The following APOF variants were observed in gnomAD, a reference collection of about 807,000 sequenced individuals.
APOF encodes the protein apolipoprotein F, also known as lipid transfer inhibitor protein.
A neutral mutation model predicts 2.4 loss-of-function variants in APOF; 2 were observed. The observed-to-expected ratio is 0.83, with a 90% CI of 0.34 to 2.61. The LOEUF is 2.61. Among genes scored for constraint, APOF ranks in the 30% most tolerant of loss-of-function variants. APOF has a pLI of 0.11. For synonymous variants in APOF, 149 were observed against 155.6 expected (o/e 0.96, Z 0.32); for missense variants, 370 against 388.7 (o/e 0.95, Z 0.40).
At position 56,361,186 on chromosome 12, in the gene APOF, G is replaced by A. The variant is rs1880303622; in HGVS notation, c.*39C>T. 6.3e-7 allele frequency: 1 copy of A among 1,588,302 alleles called. No individual in the cohort carries two copies. Among genetic ancestry groups the A allele is most frequent in the Admixed American group, 1.7e-5 (1 of 57,402 alleles). ...TTGAAGACATGTATATAGCTTGTCA[G>A]GGTAGTACAGTTATTAATTCTGTGG... On this transcript the variant is annotated 3_prime_UTR_variant, in exon 2 of 2. Transcript: ENST00000398189.
chr12:56,362,783 C>T lies in APOF; in HGVS notation c.-38G>A. On this transcript the variant is annotated 5_prime_UTR_variant, in exon 1 of 2. Coordinates refer to ENST00000398189, the MANE Select transcript of APOF (RefSeq NM_001638.4). ...CTGCCTTGGTAGGTTTGATCGCTTC[C>T]TGATCCTGTTCTGCCTAGTTCTGTG... 6.2e-7 allele frequency: 1 copy of T among 1,613,014 alleles called. No homozygotes were observed. The highest frequency in any genetic ancestry group is 8.5e-7 in the Non-Finnish European group (1 of 1,179,280).
Position 56,362,094 on chromosome 12 carries a change from A to G in APOF, c.112T>C (p.Ser38Pro). The G allele has an allele frequency of 8.1e-6, 13 of 1,614,018 alleles. No individual in the cohort carries two copies. Among genetic ancestry groups the G allele is most frequent in the Non-Finnish European group, 1.0e-5 (12 of 1,179,882 alleles). The change falls in exon 2 of 2, where the codon TCA becomes CCA. Residue 38 changes from serine (S) to proline (P), a missense_variant. By Grantham distance (74) the Ser-to-Pro change is moderately conservative. Transcript: ENST00000398189. ...YLLLHPVDAT[S>P]YGKQTNVLMH... ...AAGACATTTGTCTGCTTTCCATATG[A>G]AGTGGCATCCACAGGGTGCAGCAGG...
Position 56,361,486 on chromosome 12 carries a change from C to A in APOF, c.720G>T (p.Ala240=). The A allele has an allele frequency of 1.2e-6, 2 of 1,614,018 alleles. No individual in the cohort carries two copies. The highest frequency in any genetic ancestry group is 1.7e-6 in the Non-Finnish European group (2 of 1,179,872). Residue 240 remains alanine, a synonymous_variant, in exon 2 of 2, where the codon GCG becomes GCT. Transcript: ENST00000398189. The stretch of plus-strand genomic sequence containing the variant: ...ATGCAGGTTTAAGTGCAGCACTGAT[C>A]GCTAGACCCATAGGCCCCCCTGACA... ...AGMSGGPMGL[A]ISAALKPALR... is the part of the protein sequence containing the mutation.
chr12:56,361,428 A>G lies in APOF; in HGVS notation c.778T>C (p.Tyr260His). ...RSGVQQLIQYYQDQKDANISQ... is the reference protein window; with the variant it reads ...RSGVQQLIQYHQDQKDANISQ... ...ATGTTTGCGTCTTTCTGATCTTGGTAATACTGGATCAACTGCTGAACCCCA... is the reference window on the plus strand; with the variant it reads ...ATGTTTGCGTCTTTCTGATCTTGGTGATACTGGATCAACTGCTGAACCCCA... The change falls in exon 2 of 2, where the codon TAC (tyrosine) becomes CAC (histidine). Residue 260 changes from tyrosine to histidine, a missense_variant. By Grantham distance (83) the Tyr-to-His change is moderately conservative. Coordinates refer to ENST00000398189, the MANE Select transcript of APOF (RefSeq NM_001638.4). 1 of 1,614,048 alleles carries G rather than the reference A, an allele frequency of 6.2e-7. No individual in the cohort carries two copies. Among genetic ancestry groups the G allele is most frequent in the South Asian group, 1.1e-5 (1 of 91,082 alleles).
chr12:56,361,661 A>G lies in APOF; in HGVS notation c.545T>C (p.Val182Ala), dbSNP rs1410688467. 1 of 1,612,396 alleles carries G rather than the reference A, an allele frequency of 6.2e-7. No homozygotes were observed. Among genetic ancestry groups the G allele is most frequent in the Non-Finnish European group, 8.5e-7 (1 of 1,179,212 alleles). ...ENEKEQAVHN[V>A]VQLLPGVGTF... ...TCCCACTCCTGGCAGCAGCTGGACT[A>G]CATTGTGCACAGCTTGCTCCTTCTC... Residue 182 changes from valine to alanine, a missense_variant, in exon 2 of 2, where the codon GTA becomes GCA. Physicochemically the swap from Val to Ala is moderately conservative, Grantham distance 64. Transcript: ENST00000398189.
At chr12:56,362,630 T>C in intron 1 of APOF, 100 bp downstream of exon 1, 1 of 1,221,684 alleles carries the variant, frequency 8.2e-7, no homozygotes, top group East Asian at 2.4e-5. Flanking sequence ...GCCTAGGAAA[T>C]AGGAAATGCA....
At position 56,361,758 on chromosome 12, in the gene APOF, G is replaced by C; in HGVS notation, c.448C>G (p.Gln150Glu). 6.2e-7 allele frequency: 1 copy of C among 1,609,790 alleles called. No homozygotes were observed. Among genetic ancestry groups the C allele is most frequent in the Non-Finnish European group, 8.5e-7 (1 of 1,178,040 alleles). ...CTTTGCTGCTCCCTGGCTAACAGCT[G>C]CAGAGCAGAGGCCAGGGCTTCCACT... ...VSVEALASAL[Q>E]LLAREQQSTG... Residue 150 changes from glutamine (Q) to glutamate (E), a missense_variant, in exon 2 of 2, where the codon CAG becomes GAG. Coordinates refer to ENST00000398189, the MANE Select transcript of APOF (RefSeq NM_001638.4).
rs1249847038 is a variant in APOF at position 56,361,550 on chromosome 12, A to G, written c.656T>C (p.Ile219Thr). The change falls in exon 2 of 2, where the codon ATA becomes ACA. Residue 219 changes from isoleucine to threonine, a missense_variant. Physicochemically the swap from Ile to Thr is moderately conservative, Grantham distance 89 (BLOSUM62 -1). Coordinates refer to ENST00000398189, the MANE Select transcript of APOF (RefSeq NM_001638.4). ...CATCAGAAGGTCATATCCCAGATCT[A>G]TGGCCCCATCTCGGCCTCGTTCCCT... ...KARERGRDGA[I>T]DLGYDLLMTM... The G allele has an allele frequency of 9.9e-6, 16 of 1,613,934 alleles. No homozygotes were observed. Among genetic ancestry groups the G allele is most frequent in the Admixed American group, 5.0e-5 (3 of 60,012 alleles).
Position 56,362,153 on chromosome 12 carries a change from A to G in APOF, c.53T>C (p.Ile18Thr). 3 of 1,613,668 alleles carry G rather than the reference A, an allele frequency of 1.9e-6. No homozygotes were observed. Among genetic ancestry groups the G allele is most frequent in the Non-Finnish European group, 2.5e-6 (3 of 1,179,886 alleles). ...SAPDMRGLRL[I>T]MIPVELLLCY... ...AAGTAGCAGCTCAACTGGTATCATG[A>G]TGAGTCTGAGGCCACGCATGTCTGG... The change falls in exon 2 of 2, where the codon ATC becomes ACC. Residue 18 changes from isoleucine to threonine, a missense_variant. Ile to Thr is a moderately conservative substitution (Grantham distance 89, BLOSUM62 -1). Coordinates refer to ENST00000398189, the MANE Select transcript of APOF (RefSeq NM_001638.4).
Position 56,362,011 on chromosome 12 carries a change from G to A in APOF, c.195C>T (p.Cys65=). The change falls in exon 2 of 2, where the codon TGC becomes TGT. Residue 65 remains cysteine (C), a synonymous_variant. Coordinates refer to ENST00000398189, the MANE Select transcript of APOF (RefSeq NM_001638.4). ...GCAGTGACTTTGGGTGCAGAAATTG[G>A]CAGGACAAGGGGTCTGAGGAGGGTG... The part of the protein sequence containing the change: ...SQTPSSDPLS[C]QFLHPKSLPG... The A allele has an allele frequency of 6.2e-7, 1 of 1,614,000 alleles. No homozygotes were observed. The highest frequency in any genetic ancestry group is 2.2e-5 in the East Asian group (1 of 44,888).
Position 56,361,371 on chromosome 12 carries a change from T to C in APOF, c.835A>G (p.Arg279Gly). The C allele has an allele frequency of 6.2e-7, 1 of 1,614,040 alleles. No individual in the cohort carries two copies. Among genetic ancestry groups the C allele is most frequent in the Non-Finnish European group, 8.5e-7 (1 of 1,179,894 alleles). ...AAGTCACTCACATCTGAGATGGCCC[T>C]CAAACCCTCCTTGGTGGTCTCCGGC... ...SQPETTKEGLRAISDVSDLEE... is the reference protein window; with the variant it reads ...SQPETTKEGLGAISDVSDLEE... Residue 279 changes from arginine to glycine, a missense_variant, in exon 2 of 2, where the codon AGG (arginine) becomes GGG (glycine). Coordinates refer to ENST00000398189, the MANE Select transcript of APOF (RefSeq NM_001638.4).
chr12:56,361,948 C>T lies in APOF; in HGVS notation c.258G>A (p.Leu86=), dbSNP rs750841088. The T allele has an allele frequency of 8.7e-6, 14 of 1,613,886 alleles. No homozygotes were observed. Among genetic ancestry groups the T allele is most frequent in the African/African-American group, 1.3e-5 (1 of 74,928 alleles). The change falls in exon 2 of 2, where the codon TTG becomes TTA. Residue 86 remains leucine (L), a synonymous_variant. Transcript: ENST00000398189. ...FSHMAPLPKF[L]VSLALRNALE... The stretch of plus-strand genomic sequence containing the variant: ...GGGCATTCCTTAGAGCCAGGCTTAC[C>T]AAGAACTTGGGTAGAGGGGCCATGT...
At position 56,361,451 on chromosome 12, in the gene APOF, C is replaced by T. The variant is rs774670066; in HGVS notation, c.755G>A (p.Gly252Glu). The T allele has an allele frequency of 1.2e-6, 2 of 1,613,948 alleles. No individual in the cohort carries two copies. The highest frequency in any genetic ancestry group is 2.2e-5 in the East Asian group (1 of 44,904). The change falls in exon 2 of 2, where the codon GGG (glycine) becomes GAG (glutamate). Residue 252 changes from glycine to glutamate, a missense_variant. Coordinates refer to ENST00000398189, the MANE Select transcript of APOF (RefSeq NM_001638.4). ...SAALKPALRS[G>E]VQQLIQYYQD... The stretch of plus-strand genomic sequence containing the variant: ...GTAATACTGGATCAACTGCTGAACC[C>T]CAGACCTTAATGCAGGTTTAAGTGC...
chr12:56,361,844 T>G lies in APOF; in HGVS notation c.362A>C (p.Gln121Pro). Residue 121 changes from glutamine to proline, a missense_variant, in exon 2 of 2, where the codon CAG (glutamine) becomes CCG (proline). Coordinates refer to ENST00000398189, the MANE Select transcript of APOF (RefSeq NM_001638.4). ...LYRQGGVNATQVLIQHLRGLQ... is the reference protein window; with the variant it reads ...LYRQGGVNATPVLIQHLRGLQ... Reference sequence around the variant, plus strand: ...CCCTCGAAGATGCTGGATGAGGACCTGTGTAGCATTCACACCACCCTGGCG... The same window carrying G: ...CCCTCGAAGATGCTGGATGAGGACCGGTGTAGCATTCACACCACCCTGGCG... 2 of 1,613,562 alleles carry G rather than the reference T, an allele frequency of 1.2e-6. No homozygotes were observed. The highest frequency in any genetic ancestry group is 1.7e-6 in the Non-Finnish European group (2 of 1,179,724).
intron 1 of APOF, 46 bp downstream of exon 1, chr12:56,362,683 AG>A: frequency 1.2e-6 from 2 of 1,606,874 alleles, no homozygotes; most frequent in Non-Finnish European, 8.5e-7. Flanking sequence ...ACAGGTCACC[AG>A]GGACTTCTGT....
Position 56,361,487 on chromosome 12 carries a change from G to T in APOF, c.719C>A (p.Ala240Glu). ...AGMSGGPMGL[A>E]ISAALKPALR... ...TGCAGGTTTAAGTGCAGCACTGATC[G>T]CTAGACCCATAGGCCCCCCTGACAT... The change falls in exon 2 of 2, where the codon GCG (alanine) becomes GAG (glutamate). Residue 240 changes from alanine (A) to glutamate (E), a missense_variant. By Grantham distance (107) the Ala-to-Glu change is moderately radical. Coordinates refer to ENST00000398189, the MANE Select transcript of APOF (RefSeq NM_001638.4). The T allele has an allele frequency of 1.2e-6, 2 of 1,613,956 alleles. No individual in the cohort carries two copies. The highest frequency in any genetic ancestry group is 1.1e-5 in the South Asian group (1 of 91,084).
chr12:56,362,131 T>C lies in APOF; in HGVS notation c.75A>G (p.Leu25=). The change falls in exon 2 of 2, where the codon CTA becomes CTG. Residue 25 remains leucine, a synonymous_variant. Coordinates refer to ENST00000398189, the MANE Select transcript of APOF (RefSeq NM_001638.4). Reference sequence around the variant, plus strand: ...CAGGGTGCAGCAGGAGGTAGCAAAGTAGCAGCTCAACTGGTATCATGATGA... The same window carrying C: ...CAGGGTGCAGCAGGAGGTAGCAAAGCAGCAGCTCAACTGGTATCATGATGA... ...LRLIMIPVEL[L]LCYLLLHPVD... is the part of the protein sequence containing the mutation. The C allele has an allele frequency of 6.2e-7, 1 of 1,613,862 alleles. No individual in the cohort carries two copies. The highest frequency in any genetic ancestry group is 1.1e-5 in the South Asian group (1 of 91,072).
rs1162548572 is a variant in APOF at position 56,361,096 on chromosome 12, C to T, written c.*129G>A. On this transcript the variant is annotated 3_prime_UTR_variant, in exon 2 of 2. Transcript: ENST00000398189. ...GAAACCAAACCCTGTGACTTCAACA[C>T]CCAAACATTTACGTTCTTACGTTTT... The T allele has an allele frequency of 8.5e-7, 1 of 1,176,118 alleles. No individual in the cohort carries two copies. Among genetic ancestry groups the T allele is most frequent in the Non-Finnish European group, 1.2e-6 (1 of 858,344 alleles). 72.9% of individuals were successfully genotyped at this position (1,176,118 alleles called of 1,614,324 possible). A position where few individuals can be genotyped will look rare whatever the true frequency, so the allele number is the denominator to read the frequency against.
At position 56,361,350 on chromosome 12, in the gene APOF, C is replaced by T. The variant is rs1246088948; in HGVS notation, c.856G>A (p.Asp286Asn). The T allele has an allele frequency of 6.2e-7, 1 of 1,614,062 alleles. No homozygotes were observed. Among genetic ancestry groups the T allele is most frequent in the South Asian group, 1.1e-5 (1 of 91,086 alleles). ...GCCAGAGTAGTTGTTTCTTCCAAGT[C>T]ACTCACATCTGAGATGGCCCTCAAA... The part of the protein sequence containing the change: ...EGLRAISDVS[D>N]LEETTTLASF... The change falls in exon 2 of 2, where the codon GAC becomes AAC. Residue 286 changes from aspartate to asparagine, a missense_variant. Coordinates refer to ENST00000398189, the MANE Select transcript of APOF (RefSeq NM_001638.4).
Sources: gnomAD v4.1 joint callset for allele counts on GRCh38, gnomAD v4.1.1 for gene constraint, MANE v1.5 for transcripts, NCBI Gene and HGNC (gene_info 2026-07-23, HGNC 2026-07-21) for gene names.